Variants in DOCK1 observed in about 807,000 individuals in gnomAD.
The protein encoded by DOCK1 is dedicator of cytokinesis protein 1.
DOCK1 carries 138 observed loss-of-function variants against 262.7 expected under a neutral mutation model. The ratio of observed to expected loss-of-function variants is 0.53; its 90% CI spans 0.46 to 0.61. The LOEUF is 0.61. DOCK1 is among the 20% of genes least tolerant of loss of function. The pLI is 0.00. For synonymous variants in DOCK1, 866 were observed against 867.4 expected, an observed-to-expected ratio of 1.00 and a Z score of 0.03; for missense variants, 1,908 against 2,370.7, an observed-to-expected ratio of 0.80 and a Z score of 4.05.
intron 49 of DOCK1, among the ~76,000 whole-genome samples, chr10:127,439,864 G>T (rs550826296): frequency 6.6e-6 from 1 of 152,170 alleles, no homozygotes; most frequent in South Asian, 2.1e-4. Context: ...AGTCGTGGGC[G>T]TGTGAGGGCG....
chr10:126,957,887 C>T (rs944149532), intron 1 of DOCK1, among the ~76,000 whole-genome samples: 2 of 152,152 alleles, frequency 1.3e-5, no homozygotes, highest in Non-Finnish European at 2.9e-5. Flanking sequence ...GAATACTATT[C>T]AACAATAGAA....
intron 10 of DOCK1, 70 bp from the exon 11 acceptor site, chr10:127,008,662 C>A: frequency 7.7e-7 from 1 of 1,303,202 alleles, no homozygotes; most frequent in East Asian, 2.5e-5. Flanking sequence ...TCTGATGTTC[C>A]TTTGTTTGTT....
At chr10:126,952,057 C>G (rs899698434) in intron 1 of DOCK1, among the ~76,000 whole-genome samples, 6 of 151,976 alleles carry the variant, frequency 3.9e-5, no homozygotes, top group African/African-American at 1.2e-4. Flanking sequence ...ACCATGTTGG[C>G]CAGGATGGTA....
chr10:127,048,850 T>C (rs145128030), intron 21 of DOCK1, among the ~76,000 whole-genome samples: 63 of 152,292 alleles, frequency 4.1e-4, no homozygotes, highest in Middle Eastern at 3.4e-3. Context: ...TAGGAATAGA[T>C]GGGAAGTTCC....
At chr10:126,917,040 G>C (rs1352082670) in intron 1 of DOCK1, among the ~76,000 whole-genome samples, 1 of 122,398 alleles carries the variant, frequency 8.2e-6, no homozygotes, top group African/African-American at 3.0e-5. Flanking sequence ...GGTGGGAGCT[G>C]TGCGAGGCCA....
intron 5 of DOCK1, 42 bp downstream of exon 5, chr10:126,987,659 G>C: frequency 2.0e-6 from 3 of 1,488,578 alleles, no homozygotes; most frequent in Non-Finnish European, 2.7e-6. Context: ...GAAATAGAGA[G>C]TGGGCTTTTT....
intron 29 of DOCK1, among the ~76,000 whole-genome samples, chr10:127,287,543 G>A (rs932069810): frequency 3.9e-5 from 6 of 152,054 alleles, no homozygotes; most frequent in Non-Finnish European, 8.8e-5. Flanking sequence ...AGTTCTGTAG[G>A]AAATTCCACA....
At chr10:126,998,270 G>A in intron 8 of DOCK1, 21 bp downstream of exon 8, 1 of 1,613,108 alleles carries the variant, frequency 6.2e-7, no homozygotes, top group South Asian at 1.1e-5. Context: ...TTTCTTGGCT[G>A]CCGTCTTTCC....
intron 1 of DOCK1, among the ~76,000 whole-genome samples, chr10:126,957,745 G>T (rs1032280716): frequency 5.0e-4 from 76 of 152,244 alleles, no homozygotes; most frequent in Non-Finnish European, 9.8e-4. Context: ...TTTCCAAAGT[G>T]CTGGTTTTAC....
chr10:127,402,319 C>G (rs1257273026), intron 38 of DOCK1, among the ~76,000 whole-genome samples: 1 of 152,128 alleles, frequency 6.6e-6, no homozygotes, highest in Non-Finnish European at 1.5e-5. Context: ...GGTGGTTCCT[C>G]TTACTTTTCC....
intron 27 of DOCK1, among the ~76,000 whole-genome samples, chr10:127,174,971 A>G (rs2054943749): frequency 6.6e-6 from 1 of 152,228 alleles, no homozygotes; most frequent in African/African-American, 2.4e-5. Context: ...AAGCATAGGT[A>G]TGGTTTGAAT....
chr10:127,394,469 A>C (rs1003103615), intron 38 of DOCK1, among the ~76,000 whole-genome samples: 3 of 151,866 alleles, frequency 2.0e-5, no homozygotes, highest in Admixed American at 1.3e-4. Flanking sequence ...TTGGGGTGAA[A>C]TTTTCACATC....
At chr10:127,220,479 T>C (rs764347857) in intron 27 of DOCK1, among the ~76,000 whole-genome samples, 4 of 152,014 alleles carry the variant, frequency 2.6e-5, no homozygotes, top group Non-Finnish European at 5.9e-5. Flanking sequence ...AAAAAAAAAC[T>C]TAAGTCTATC....
chr10:127,171,248 G>C (rs2054543358), intron 27 of DOCK1, among the ~76,000 whole-genome samples: 1 of 152,240 alleles, frequency 6.6e-6, no homozygotes, highest in Non-Finnish European at 1.5e-5. Flanking sequence ...AAGCTACTGA[G>C]AGCGGTTGTA....
At chr10:127,405,124 A>G (rs1036250442) in intron 40 of DOCK1, among the ~76,000 whole-genome samples, 12 of 152,226 alleles carry the variant, frequency 7.9e-5, no homozygotes, top group African/African-American at 2.9e-4. Flanking sequence ...GTCCCCGCCC[A>G]ATGTGCTGCT....
At chr10:126,959,542 A>G (rs1292920950) in intron 1 of DOCK1, among the ~76,000 whole-genome samples, 1 of 152,156 alleles carries the variant, frequency 6.6e-6, no homozygotes, top group Non-Finnish European at 1.5e-5. Context: ...AGTTTAGCCC[A>G]CACATGGAAG....
At chr10:127,226,304 G>A (rs550143045) in intron 27 of DOCK1, among the ~76,000 whole-genome samples, 1 of 152,048 alleles carries the variant, frequency 6.6e-6, no homozygotes. Flanking sequence ...CTATCTACAG[G>A]TATTTCTTGG....
intron 16 of DOCK1, among the ~76,000 whole-genome samples, chr10:127,028,213 T>C (rs1011315579): frequency 2.6e-5 from 4 of 152,158 alleles, no homozygotes; most frequent in African/African-American, 4.8e-5. Context: ...GGCCGCCAGC[T>C]TGGAAGGCAG....
At position 127,405,127 on chromosome 10, in the gene DOCK1, G is replaced by A. The variant is rs78123658; in HGVS notation, c.4122+698G>A. On this transcript the variant is annotated intron_variant, in intron 40 of 51. Coordinates refer to ENST00000623213, the MANE Select transcript of DOCK1 (RefSeq NM_001290223.2). Reference sequence around the variant, plus strand: ...AACATTTGGGTTGTCCCCGCCCAATGTGCTGCTATGAAGATGTATGTTTTT... The same window carrying A: ...AACATTTGGGTTGTCCCCGCCCAATATGCTGCTATGAAGATGTATGTTTTT... 2.2e-3 allele frequency among the ~76,000 whole-genome samples: 339 copies of A among 152,336 alleles called. 2 individuals are homozygous for A. Among genetic ancestry groups the A allele is most frequent in the African/African-American group, 7.7e-3 (320 of 41,568 alleles).
Sources: allele counts gnomAD v4.1 joint callset (sites outside exome capture counted in the v4.1 genomes callset), GRCh38; gene constraint gnomAD v4.1.1; transcripts MANE v1.5; gene names NCBI Gene and HGNC (gene_info 2026-07-23, HGNC 2026-07-21).